Variants in GLIS3 observed in about 807,000 individuals in gnomAD.
GLIS3 encodes zinc finger protein GLIS3.
In GLIS3, 53 loss-of-function variants were observed where a neutral mutation model predicts 78.6. The ratio of observed to expected loss-of-function variants is 0.67; its 90% CI spans 0.54 to 0.85. The LOEUF is 0.85. Among genes scored for constraint, GLIS3 ranks in the 40% least tolerant of loss-of-function variants. The pLI is 0.00. For synonymous variants in GLIS3, 684 were observed against 509.9 expected (o/e 1.34, Z -4.60); for missense variants, 1,703 against 1,231.1 (o/e 1.38, Z -5.74).
intron 4 of GLIS3, among the ~76,000 whole-genome samples, chr9:3,976,814 A>ATCC (rs1283920868): frequency 1.3e-5 from 1 of 74,956 alleles, no homozygotes; most frequent in East Asian, 2.8e-4. Flanking sequence ...AAAAAAAAAA[A>ATCC]AAAAAAAAAA....
intron 4 of GLIS3, among the ~76,000 whole-genome samples, chr9:3,956,139 T>C (rs7045607): frequency 0.03 from 4,506 of 152,110 alleles, 247 homozygotes; most frequent in African/African-American, 0.1. Context: ...CATTACCTAA[T>C]GGTCATTTAT....
At chr9:4,367,249 G>A in the GLIS3 span, among the ~76,000 whole-genome samples, 6 of 152,072 alleles carry the variant, frequency 3.9e-5, no homozygotes, top group East Asian at 3.9e-4. Context: ...TCTCCCTCTC[G>A]CTTTACATTT....
chr9:4,320,540 A>G (rs571755779), intron 2 of GLIS3, among the ~76,000 whole-genome samples: 1 of 152,144 alleles, frequency 6.6e-6, no homozygotes, highest in Non-Finnish European at 1.5e-5. Flanking sequence ...TTACTTCTTA[A>G]ATATTCTCAA....
intron 2 of GLIS3, among the ~76,000 whole-genome samples, chr9:4,218,097 A>G (rs1446416191): frequency 6.6e-6 from 1 of 152,188 alleles, no homozygotes; most frequent in Non-Finnish European, 1.5e-5. Context: ...TTCCTCCACA[A>G]TCTTATCCAT....
intron 4 of GLIS3, among the ~76,000 whole-genome samples, chr9:3,972,127 T>C (rs1416574843): frequency 6.6e-6 from 1 of 152,208 alleles, no homozygotes; most frequent in Admixed American, 6.5e-5. Context: ...TACTTTCCTA[T>C]GGAAGAGTAA....
At chr9:3,994,047 C>G (rs1449256697) in intron 4 of GLIS3, among the ~76,000 whole-genome samples, 3 of 152,196 alleles carry the variant, frequency 2.0e-5, no homozygotes, top group African/African-American at 7.2e-5. Context: ...TCAGAGTTTG[C>G]TGACTGAGAA....
the GLIS3 span, among the ~76,000 whole-genome samples, chr9:4,488,477 G>T: frequency 1.3e-5 from 2 of 151,516 alleles, no homozygotes; most frequent in South Asian, 4.2e-4. Flanking sequence ...TTTTCCAGCT[G>T]TTTTTTTACT....
chr9:4,203,974 G>A (rs1819627273), intron 2 of GLIS3, among the ~76,000 whole-genome samples: 1 of 152,138 alleles, frequency 6.6e-6, no homozygotes, highest in Admixed American at 6.5e-5. Flanking sequence ...AAAGAGAAAT[G>A]GGGCAAGGGT....
chr9:3,923,216 A>G (rs867050848), intron 6 of GLIS3, among the ~76,000 whole-genome samples: 5 of 152,296 alleles, frequency 3.3e-5, no homozygotes, highest in Admixed American at 6.5e-5. Context: ...CACTATAATT[A>G]TCTCTCTAAA....
the GLIS3 span, among the ~76,000 whole-genome samples, chr9:4,388,209 A>C: frequency 6.6e-6 from 1 of 152,166 alleles, no homozygotes; most frequent in African/African-American, 2.4e-5. Flanking sequence ...CCCCTTTTCC[A>C]CTTCTATGTT....
intron 2 of GLIS3, among the ~76,000 whole-genome samples, chr9:4,172,863 G>A (rs1816491833): frequency 6.6e-6 from 1 of 152,184 alleles, no homozygotes. Flanking sequence ...AGGCCAGGCA[G>A]ATGGAAATAC....
At chr9:4,120,486 G>T (rs570378486) in intron 3 of GLIS3, among the ~76,000 whole-genome samples, 1 of 152,174 alleles carries the variant, frequency 6.6e-6, no homozygotes, top group Admixed American at 6.5e-5. Flanking sequence ...AATTCCCCAC[G>T]GACACTTTTC....
intron 2 of GLIS3, among the ~76,000 whole-genome samples, chr9:4,279,255 G>A (rs1369840405): frequency 2.9e-5 from 4 of 137,918 alleles, no homozygotes; most frequent in East Asian, 2.2e-4. Flanking sequence ...CCGAGATCGC[G>A]CCACTGCACT....
intron 6 of GLIS3, among the ~76,000 whole-genome samples, chr9:3,909,929 T>G (rs1341484849): frequency 5.3e-5 from 8 of 152,212 alleles, no homozygotes; most frequent in Non-Finnish European, 4.4e-5. Flanking sequence ...ACTTTTAATT[T>G]TATTTAATTT....
intron 4 of GLIS3, among the ~76,000 whole-genome samples, chr9:4,075,607 T>A (rs1827980683): frequency 1.3e-5 from 2 of 152,062 alleles, no homozygotes; most frequent in South Asian, 4.2e-4. Flanking sequence ...AAAAAGATAT[T>A]CGATAGGGAT....
chr9:4,239,093 G>A (rs1320125382), intron 2 of GLIS3, among the ~76,000 whole-genome samples: 1 of 145,504 alleles, frequency 6.9e-6, no homozygotes, highest in Non-Finnish European at 1.5e-5. Context: ...ATCATTGTTG[G>A]ACATTTGGGT....
chr9:3,838,213 T>G (rs1221495506), intron 9 of GLIS3, among the ~76,000 whole-genome samples: 1 of 152,232 alleles, frequency 6.6e-6, no homozygotes, highest in Non-Finnish European at 1.5e-5. Flanking sequence ...TGGCATGTAG[T>G]AAGCATTCAA....
chr9:4,042,952 A>C (rs1374854245), intron 4 of GLIS3, among the ~76,000 whole-genome samples: 1 of 71,126 alleles, frequency 1.4e-5, no homozygotes, highest in Non-Finnish European at 2.2e-5. Context: ...CTTGAAAAGA[A>C]AAAAAAAAAA....
At chr9:4,091,501 C>T (rs1156318550) in intron 4 of GLIS3, among the ~76,000 whole-genome samples, 2 of 151,352 alleles carry the variant, frequency 1.3e-5, no homozygotes, top group Non-Finnish European at 2.9e-5. Flanking sequence ...AAGTCAGGCA[C>T]TTCATTAGAC....
Sources: gnomAD v4.1 joint callset for allele counts (sites outside exome capture counted in the v4.1 genomes callset) on GRCh38, gnomAD v4.1.1 for gene constraint, MANE v1.5 for transcripts, NCBI Gene and HGNC (gene_info 2026-07-23, HGNC 2026-07-21) for gene names.